MYRFL: variants seen among roughly 807,000 people sequenced by gnomAD.
MYRFL encodes the protein myelin regulatory factor-like protein.
Under a neutral mutation model 109.4 loss-of-function variants are expected in MYRFL, and 88 were observed. The observed-to-expected ratio is 0.80, with a 90% CI of 0.68 to 0.96. MYRFL has a LOEUF of 0.96. Ranked by LOEUF, MYRFL falls within the 40% of genes least tolerant of loss-of-function variation. The pLI, the probability that MYRFL is intolerant of heterozygous loss-of-function variation, is 0.00. For missense variants in MYRFL, 957 were observed against 954.9 expected (o/e 1.00, Z -0.03); for synonymous variants, 324 against 320.9 (o/e 1.01, Z -0.10).
At chr12:69,913,000 C>T (rs941778919) in intron 13 of MYRFL, among the ~76,000 whole-genome samples, 2 of 152,060 alleles carry the variant, frequency 1.3e-5, no homozygotes, top group Admixed American at 6.6e-5. Context: ...CAGAAGCCAT[C>T]CAAATGGGTG....
chr12:69,826,074 C>T (rs905577269), intron 1 of MYRFL, among the ~76,000 whole-genome samples: 1 of 151,920 alleles, frequency 6.6e-6, no homozygotes, highest in African/African-American at 2.4e-5. Context: ...AAGTGCCTGA[C>T]AAATAATATA....
intron 1 of MYRFL, among the ~76,000 whole-genome samples, chr12:69,827,313 C>T (rs1443605845): frequency 6.6e-6 from 1 of 151,866 alleles, no homozygotes; most frequent in African/African-American, 2.4e-5. Context: ...AATTAAATGG[C>T]CTTGACTGTC....
At chr12:69,891,674 T>TTTCG (rs1566002682) in intron 7 of MYRFL, among the ~76,000 whole-genome samples, 10 of 116,366 alleles carry the variant, frequency 8.6e-5, no homozygotes, top group South Asian at 3.1e-4. Flanking sequence ...TCTTTCTTTC[T>TTTCG]TTCTTTCTTT....
chr12:69,865,406 A>G (rs1884958390), intron 2 of MYRFL, among the ~76,000 whole-genome samples: 1 of 152,130 alleles, frequency 6.6e-6, no homozygotes, highest in East Asian at 1.9e-4. Flanking sequence ...TCTCTTTGGA[A>G]TGAGAGTCCC....
At position 69,886,835 on chromosome 12, in the gene MYRFL, G is replaced by C; in HGVS notation, c.572G>C (p.Arg191Pro). The C allele has an allele frequency of 2.0e-6, 3 of 1,535,878 alleles. No individual in the cohort carries two copies. The highest frequency in any genetic ancestry group is 2.6e-6 in the Non-Finnish European group (3 of 1,146,694). Residue 191 changes from arginine to proline, a missense_variant, in exon 6 of 25, where the codon CGC (arginine) becomes CCC (proline). Arg to Pro is a moderately radical substitution (Grantham distance 103, BLOSUM62 -2). Coordinates refer to ENST00000552032, the MANE Select transcript of MYRFL (RefSeq NM_182530.3). ...TTCTTTGCAGTGACAAGTAGGAGTC[G>C]CAGCAGTGAAGTCCAGGACCCTGAC... ...CHCRPMTSRS[R>P]SSEVQDPDSE...
At chr12:69,947,735 G>A (rs1301281064) in intron 19 of MYRFL, among the ~76,000 whole-genome samples, 1 of 152,142 alleles carries the variant, frequency 6.6e-6, no homozygotes, top group Non-Finnish European at 1.5e-5. Context: ...TGAATGGCCA[G>A]AAGAAAATGG....
At chr12:69,958,032 A>T in intron 23 of MYRFL, 90 bp downstream of exon 23, 1 of 1,465,020 alleles carries the variant, frequency 6.8e-7, no homozygotes, top group Non-Finnish European at 9.1e-7. Flanking sequence ...AACCCTAGTC[A>T]CAGGGCTTGG....
intron 2 of MYRFL, among the ~76,000 whole-genome samples, chr12:69,877,514 C>T (rs1831475899): frequency 6.6e-6 from 1 of 152,130 alleles, no homozygotes; most frequent in Admixed American, 6.5e-5. Context: ...TTTGTCCATT[C>T]TACTAGTTCA....
chr12:69,850,921 T>C (rs1165635187), intron 1 of MYRFL, among the ~76,000 whole-genome samples: 1 of 152,192 alleles, frequency 6.6e-6, no homozygotes, highest in Non-Finnish European at 1.5e-5. Flanking sequence ...TTTTTCATTT[T>C]GGAATTGTCT....
chr12:69,935,004 TCTGCCTC>T (rs1955401470), intron 16 of MYRFL, among the ~76,000 whole-genome samples: 1 of 152,186 alleles, frequency 6.6e-6, no homozygotes, highest in Non-Finnish European at 1.5e-5. Flanking sequence ...CTAGGATTTC[TCTGCCTC>T]CTGCCTCTAT....
At chr12:69,889,887 T>A (rs1592762488) in intron 6 of MYRFL, among the ~76,000 whole-genome samples, 1 of 152,164 alleles carries the variant, frequency 6.6e-6, no homozygotes, top group Non-Finnish European at 1.5e-5. Context: ...TTGGAGCACT[T>A]CAGATTTGGG....
intron 19 of MYRFL, among the ~76,000 whole-genome samples, chr12:69,937,820 T>C (rs1016600031): frequency 2.0e-5 from 3 of 152,238 alleles, no homozygotes; most frequent in Non-Finnish European, 2.9e-5. Flanking sequence ...CATTATTGCA[T>C]ATCCTAGTCT....
At chr12:69,899,935 C>T (rs1036755722) in intron 10 of MYRFL, among the ~76,000 whole-genome samples, 1 of 152,174 alleles carries the variant, frequency 6.6e-6, no homozygotes, top group African/African-American at 2.4e-5. Context: ...CAGTGGAGTT[C>T]CTTCAGTTTC....
At position 69,825,281 on chromosome 12, in the gene MYRFL, T is replaced by C. The variant is rs1194364917; in HGVS notation, c.-237T>C. On this transcript the variant is annotated 5_prime_UTR_variant, in exon 1 of 25. Transcript: ENST00000552032. ...AGATGAATTTGCTACCTCTTCCCTC[T>C]TCATGAATTTTTTTTAAATGTATGG... The C allele has an allele frequency of 3.0e-6, 2 of 672,156 alleles. No homozygotes were observed. Among genetic ancestry groups the C allele is most frequent in the Non-Finnish European group, 5.4e-6 (2 of 370,724 alleles). 41.6% of individuals were successfully genotyped at this position (672,156 alleles called of 1,614,324 possible). A position where few individuals can be genotyped will look rare whatever the true frequency, so the allele number is the denominator to read the frequency against.
At chr12:69,871,404 A>AT (rs952088783) in intron 2 of MYRFL, among the ~76,000 whole-genome samples, 12 of 149,682 alleles carry the variant, frequency 8.0e-5, no homozygotes, top group South Asian at 4.2e-4. Context: ...TAATTTTTGT[A>AT]TTTTTTTTTA....
intron 1 of MYRFL, among the ~76,000 whole-genome samples, chr12:69,826,461 A>G (rs1882284618): frequency 6.6e-6 from 1 of 152,122 alleles, no homozygotes; most frequent in East Asian, 1.9e-4. Flanking sequence ...CTACCATTGC[A>G]TCTATTTTAG....
intron 11 of MYRFL, chr12:69,904,489 C>T (rs540414027): frequency 2.6e-5 from 4 of 152,382 alleles, no homozygotes; most frequent in African/African-American, 7.2e-5. Flanking sequence ...TCCCCAGTTA[C>T]GTGACCCTGG....
rs1325879949 is a variant in MYRFL at position 69,944,371 on chromosome 12, C to G, written c.2224+7739C>G. Reference sequence around the variant, plus strand: ...ATGCAGCCATAAAAAATGATGAGTTCATGTCCTTTGTAGGGACATGGATGA... The same window carrying G: ...ATGCAGCCATAAAAAATGATGAGTTGATGTCCTTTGTAGGGACATGGATGA... On this transcript the variant is annotated intron_variant, in intron 19 of 24. Transcript: ENST00000552032. Among the ~76,000 whole-genome samples, 6 of 135,100 alleles carry G rather than the reference C, an allele frequency of 4.4e-5. No homozygotes were observed. In the East Asian group the frequency reaches 1.3e-3, roughly 28 times the overall value. The allele number at this position is 135,100 out of a possible 152,430, so 88.6% of individuals were successfully genotyped here.
intron 16 of MYRFL, among the ~76,000 whole-genome samples, chr12:69,935,518 A>C (rs932279647): frequency 7.9e-5 from 12 of 152,224 alleles, no homozygotes; most frequent in Admixed American, 6.5e-4. Context: ...GGGGGAGAAG[A>C]CACCCTCGTT....
Sources: allele counts gnomAD v4.1 joint callset (sites outside exome capture counted in the v4.1 genomes callset), GRCh38; gene constraint gnomAD v4.1.1; transcripts MANE v1.5; gene names NCBI Gene and HGNC (gene_info 2026-07-23, HGNC 2026-07-21).